The following PPP1R12B variants were observed in gnomAD, a reference collection of about 807,000 sequenced individuals.
PPP1R12B encodes the protein protein phosphatase 1 regulatory subunit 12B.
A neutral mutation model predicts 126.1 loss-of-function variants in PPP1R12B; 76 were observed. The observed-to-expected ratio is 0.60, with a 90% CI of 0.50 to 0.73. The LOEUF (loss-of-function observed/expected upper bound fraction) is 0.73, where lower values mean the gene tolerates loss of function less well. PPP1R12B is among the 30% of genes least tolerant of loss of function. The probability of loss-of-function intolerance (pLI) is 0.00; values close to 1 mark genes in which losing one functional copy is unlikely to be tolerated. For missense variants in PPP1R12B, 1,052 were observed against 1,205.1 expected (o/e 0.87, Z 1.88); for synonymous variants, 356 against 434.7 (o/e 0.82, Z 2.25).
chr1:202,405,292 G>A (rs1482431660), intron 1 of PPP1R12B, among the ~76,000 whole-genome samples: 1 of 152,112 alleles, frequency 6.6e-6, no homozygotes, highest in Non-Finnish European at 1.5e-5. Context: ...CTGGCCCATT[G>A]TTTTTCCTTT....
chr1:202,351,670 A>T (rs1656036675), intron 1 of PPP1R12B, among the ~76,000 whole-genome samples: 1 of 152,188 alleles, frequency 6.6e-6, no homozygotes, highest in Non-Finnish European at 1.5e-5. Context: ...CAATTATCTG[A>T]ATTATTTATT....
chr1:202,432,896 A>T, intron 8 of PPP1R12B, among the ~76,000 whole-genome samples: 1 of 152,194 alleles, frequency 6.6e-6, no homozygotes, highest in East Asian at 1.9e-4. Flanking sequence ...TTGTCTGGCC[A>T]CCAGCTCCTG....
At chr1:202,430,526 A>G (rs1177470816) in intron 6 of PPP1R12B, among the ~76,000 whole-genome samples, 1 of 151,966 alleles carries the variant, frequency 6.6e-6, no homozygotes, top group African/African-American at 2.4e-5. Flanking sequence ...TCTTAACACC[A>G]TGGCTTTTCT....
intron 9 of PPP1R12B, among the ~76,000 whole-genome samples, chr1:202,435,128 C>A (rs1670641212): frequency 6.6e-6 from 1 of 152,154 alleles, no homozygotes; most frequent in Non-Finnish European, 1.5e-5. Context: ...ATTAGGGCCC[C>A]ACCCTATTAA....
chr1:202,467,235 T>A (rs952883511), intron 13 of PPP1R12B, among the ~76,000 whole-genome samples: 5 of 151,710 alleles, frequency 3.3e-5, no homozygotes, highest in East Asian at 3.9e-4. Flanking sequence ...TTTTTTTTTT[T>A]AATTATACTT....
At chr1:202,507,264 G>A (rs1680913381) in intron 18 of PPP1R12B, among the ~76,000 whole-genome samples, 1 of 152,162 alleles carries the variant, frequency 6.6e-6, no homozygotes, top group Non-Finnish European at 1.5e-5. Context: ...ACTATATGAT[G>A]CATCCAAATC....
intron 18 of PPP1R12B, among the ~76,000 whole-genome samples, chr1:202,506,573 A>T (rs971537967): frequency 2.0e-5 from 3 of 152,200 alleles, no homozygotes; most frequent in African/African-American, 4.8e-5. Context: ...TCTCATCCAA[A>T]GATGTGAAAG....
chr1:202,460,619 C>T (rs1279316779), intron 13 of PPP1R12B, among the ~76,000 whole-genome samples: 2 of 151,778 alleles, frequency 1.3e-5, no homozygotes, highest in East Asian at 3.8e-4. Flanking sequence ...TGCGGCCATG[C>T]TGCCATTACC....
rs182132557 is a variant in PPP1R12B, at chr1:202,487,887, C to T, written c.1851-646C>T. 3.3e-4 allele frequency among the ~76,000 whole-genome samples: 51 copies of T among 152,264 alleles called. No individual in the cohort carries two copies. The East Asian group carries it at 4.1e-3, about 12-fold the overall frequency. On this transcript the variant is annotated intron_variant, in intron 13 of 23. Transcript: ENST00000608999. ...CCTCCCAAAGTGCTGGGATTATAGG[C>T]GTGACCCACCACACAATACCTTTCA...
intron 18 of PPP1R12B, among the ~76,000 whole-genome samples, chr1:202,523,468 T>A (rs923143181): frequency 5.9e-5 from 9 of 152,166 alleles, no homozygotes; most frequent in African/African-American, 1.7e-4. Context: ...GAAGAACATT[T>A]CTTCAGATGT....
intron 11 of PPP1R12B, among the ~76,000 whole-genome samples, chr1:202,441,595 A>C (rs1671626259): frequency 6.6e-6 from 1 of 152,192 alleles, no homozygotes; most frequent in Non-Finnish European, 1.5e-5. Flanking sequence ...TGTTCTAGAG[A>C]ACCTTGTGAA....
intron 13 of PPP1R12B, among the ~76,000 whole-genome samples, chr1:202,454,966 C>T (rs1673437218): frequency 6.6e-6 from 1 of 151,972 alleles, no homozygotes; most frequent in Non-Finnish European, 1.5e-5. Flanking sequence ...TGAAAGAAGG[C>T]TCTCATGAGG....
chr1:202,463,035 T>C, intron 13 of PPP1R12B: 1 of 985,404 alleles, frequency 1.0e-6, no homozygotes. Context: ...GTTTGGATGC[T>C]AACTCCAGTG....
chr1:202,437,158 T>G (rs1293262478), intron 9 of PPP1R12B, among the ~76,000 whole-genome samples: 9 of 152,084 alleles, frequency 5.9e-5, no homozygotes, highest in African/African-American at 1.7e-4. Flanking sequence ...AGGGAGACCT[T>G]GTCTCTACTA....
intron 1 of PPP1R12B, chr1:202,410,099 T>C (rs1318203847): frequency 1.3e-5 from 2 of 152,206 alleles, no homozygotes; most frequent in African/African-American, 4.8e-5. Flanking sequence ...ACATATATTT[T>C]TGCTTATAAA....
chr1:202,475,191 A>G (rs1297026141), intron 13 of PPP1R12B, among the ~76,000 whole-genome samples: 2 of 152,216 alleles, frequency 1.3e-5, no homozygotes, highest in African/African-American at 2.4e-5. Context: ...CCCGTTCCCA[A>G]TTAGGAACAG....
At chr1:202,430,178 A>G (rs1021158559) in intron 6 of PPP1R12B, among the ~76,000 whole-genome samples, 6 of 152,220 alleles carry the variant, frequency 3.9e-5, no homozygotes, top group African/African-American at 1.2e-4. Context: ...TTCTGTACCT[A>G]GCATGGTAAG....
At chr1:202,446,282 A>T (rs1572063574) in intron 12 of PPP1R12B, among the ~76,000 whole-genome samples, 1 of 103,342 alleles carries the variant, frequency 9.7e-6, no homozygotes, top group African/African-American at 3.9e-5. Context: ...GAGATGGAAT[A>T]TCGCTCTGTC....
intron 12 of PPP1R12B, chr1:202,442,976 G>A (rs531679795): frequency 3.7e-4 from 163 of 443,328 alleles, no homozygotes; most frequent in African/African-American, 2.8e-3. Flanking sequence ...TAAAGTGGTG[G>A]GGGGTGGGAA....
Sources: allele counts gnomAD v4.1 joint callset (sites outside exome capture counted in the v4.1 genomes callset), GRCh38; gene constraint gnomAD v4.1.1; transcripts MANE v1.5; gene names NCBI Gene and HGNC (gene_info 2026-07-23, HGNC 2026-07-21).